The following KDM6B variants were observed in gnomAD, a reference collection of about 807,000 sequenced individuals.
KDM6B encodes the protein lysine-specific demethylase 6B.
In KDM6B, 22 loss-of-function variants were observed where a neutral mutation model predicts 150.4. The observed-to-expected ratio is 0.15, with a 90% confidence interval of 0.10 to 0.21. KDM6B has a LOEUF of 0.21. KDM6B is among the 10% of genes least tolerant of loss of function. The probability of loss-of-function intolerance (pLI) is 1.00; values close to 1 mark genes in which losing one functional copy is unlikely to be tolerated. For missense variants in KDM6B, 1,984 were observed against 2,234.3 expected, an observed-to-expected ratio of 0.89 and a Z score of 2.26; for synonymous variants, 1,148 against 921.1, an observed-to-expected ratio of 1.25 and a Z score of -4.46.
At chr17:7,837,286 A>G (rs1248023505) in intron 1 of KDM6B, among the ~76,000 whole-genome samples, 2 of 145,344 alleles carry the variant, frequency 1.4e-5, no homozygotes, top group Non-Finnish European at 3.0e-5. Context: ...TGTGTGTAGT[A>G]TGGGGGGGGG....
chr17:7,846,771 A>G (rs2151376135), intron 9 of KDM6B, 31 bp downstream of exon 9: 1 of 1,613,902 alleles, frequency 6.2e-7, no homozygotes, highest in Non-Finnish European at 8.5e-7. Flanking sequence ...GCAGGCAGTA[A>G]GTAGGCAGGA....
chr17:7,847,157 C>T lies in KDM6B; in HGVS notation c.962C>T (p.Thr321Ile), dbSNP rs2078566914. ...TATCCATACCCAGCTCCAGCGTACACCGCGCACCCCCCTGGCCACCGGCTG... is the reference window on the plus strand; with the variant it reads ...TATCCATACCCAGCTCCAGCGTACATCGCGCACCCCCCTGGCCACCGGCTG... Reference protein sequence around the residue: ...HPYPYPAPAYTAHPPGHRLVP... With the variant: ...HPYPYPAPAYIAHPPGHRLVP... The change falls in exon 11 of 24, where the codon ACC becomes ATC. Residue 321 changes from threonine (T) to isoleucine (I), a missense_variant. Around this residue, in one of 13 missense-constraint regions of KDM6B, gnomAD observed 1,379 missense variants for 1,275.6 expected, o/e 1.08. Transcript: ENST00000448097. 6.2e-7 allele frequency: 1 copy of T among 1,607,334 alleles called. No homozygotes were observed. The highest frequency in any genetic ancestry group is 1.3e-5 in the African/African-American group (1 of 74,906).
At position 7,848,441 on chromosome 17, in the gene KDM6B, G is replaced by A; in HGVS notation, c.2153G>A (p.Gly718Asp). 1 of 1,612,866 alleles carries A rather than the reference G, an allele frequency of 6.2e-7. No individual in the cohort carries two copies. The highest frequency in any genetic ancestry group is 8.5e-7 in the Non-Finnish European group (1 of 1,179,978). The change falls in exon 12 of 24, where the codon GGC (glycine) becomes GAC (aspartate). Residue 718 changes from glycine to aspartate, a missense_variant. Transcript: ENST00000448097. ...KEEEQQQHEA[G>D]VAPQPPLKEP... ...GAGGAACAGCAACAACACGAAGCAG[G>A]CGTGGCCCCCCAACCCCCGCTGAAG...
Position 7,853,532 on chromosome 17 carries a change from C to G in KDM6B, c.*11C>G. ...AGCACGTCGCGATGAGGCCGGACGC[C>G]CCGCCCGCCTGCCTGCCCGCGCAAG... is the stretch of plus-strand genomic sequence containing the variant. On this transcript the variant is annotated 3_prime_UTR_variant, in exon 24 of 24. Transcript: ENST00000448097. 1 of 1,443,982 alleles carries G rather than the reference C, an allele frequency of 6.9e-7. No individual in the cohort carries two copies. The highest frequency in any genetic ancestry group is 9.1e-7 in the Non-Finnish European group (1 of 1,104,554). The allele number at this position is 1,443,982 out of a possible 1,614,324, so 89.4% of individuals were successfully genotyped here.
chr17:7,848,996 C>T lies in KDM6B; in HGVS notation c.2708C>T (p.Ser903Phe), dbSNP rs750816603. The change falls in exon 12 of 24, where the codon TCT (serine) becomes TTT (phenylalanine). Residue 903 changes from serine to phenylalanine, a missense_variant. Physicochemically the swap from Ser to Phe is radical, Grantham distance 155 (BLOSUM62 -2). Around this residue, in one of 13 missense-constraint regions of KDM6B, gnomAD observed 1,379 missense variants for 1,275.6 expected, o/e 1.08. Coordinates refer to ENST00000448097, the MANE Select transcript of KDM6B (RefSeq NM_001348716.2). ...CCCACCCAACCGCCCCCACCCCTAT[C>T]TCTGCCCCCTGCTCGCTCTGAGTCT... is the stretch of plus-strand genomic sequence containing the variant. ...MTPTQPPPPLSLPPARSESEV... is the reference protein window; with the variant it reads ...MTPTQPPPPLFLPPARSESEV... 1.8e-5 allele frequency: 16 copies of T among 896,236 alleles called. No homozygotes were observed. Among genetic ancestry groups the T allele is most frequent in the Admixed American group, 5.8e-5 (3 of 51,724 alleles). 55.5% of individuals were successfully genotyped at this position (896,236 alleles called of 1,614,324 possible).
chr17:7,845,297 C>T lies in KDM6B; in HGVS notation c.-148-17C>T. On this transcript the variant is annotated splice_polypyrimidine_tract_variant and intron_variant, in intron 3 of 23. Transcript: ENST00000448097. ...GTGTGCTGGCCAGCTCGTCTCACTC[C>T]TTTTCCTTCTCTCTAGAATTGGCTG... The T allele has an allele frequency of 1.7e-6, 1 of 598,180 alleles. No individual in the cohort carries two copies. The highest frequency in any genetic ancestry group is 2.8e-5 in the East Asian group (1 of 35,404). 37.1% of individuals were successfully genotyped at this position (598,180 alleles called of 1,614,324 possible).
rs1567797623 is a variant in KDM6B, at chr17:7,849,020, C to T, written c.2732C>T (p.Ser911Phe). 6.8e-7 allele frequency: 1 copy of T among 1,480,062 alleles called. No homozygotes were observed. Among genetic ancestry groups the T allele is most frequent in the Non-Finnish European group, 9.1e-7 (1 of 1,097,840 alleles). 91.7% of individuals were successfully genotyped at this position (1,480,062 alleles called of 1,614,324 possible). Residue 911 changes from serine (S) to phenylalanine (F), a missense_variant, in exon 12 of 24, where the codon TCT (serine) becomes TTT (phenylalanine). Transcript: ENST00000448097. ...TCTCTGCCCCCTGCTCGCTCTGAGT[C>T]TGAGGTGCTAGAAGAGATCAGCCGG... ...PLSLPPARSE[S>F]EVLEEISRAC...
intron 5 of KDM6B, 37 bp from the exon 6 acceptor site, chr17:7,845,835 C>T (rs777203109): frequency 4.4e-5 from 70 of 1,601,506 alleles, no homozygotes; most frequent in Non-Finnish European, 5.6e-5. Flanking sequence ...AAGACTGCTC[C>T]TTTTTGCCGT....
intron 2 of KDM6B, among the ~76,000 whole-genome samples, chr17:7,841,920 G>A (rs1182179045): frequency 1.3e-5 from 2 of 152,224 alleles, no homozygotes; most frequent in Non-Finnish European, 2.9e-5. Flanking sequence ...GGTAAGAAGC[G>A]AGCGTGTAAC....
chr17:7,848,950 C>T lies in KDM6B; in HGVS notation c.2662C>T (p.Pro888Ser), dbSNP rs1597847739. The T allele has an allele frequency of 6.3e-7, 1 of 1,589,778 alleles. No homozygotes were observed. ...CCGGGAGCGCAGGGCGGGCGAAGAG[C>T]CAGTCCCGGGCCCCATGACCCCCAC... is the stretch of plus-strand genomic sequence containing the variant. ...WARERRAGEE[P>S]VPGPMTPTQP... is the part of the protein sequence containing the mutation. Residue 888 changes from proline to serine, a missense_variant, in exon 12 of 24, where the codon CCA (proline) becomes TCA (serine). Pro to Ser is a moderately conservative substitution (Grantham distance 74). Coordinates refer to ENST00000448097, the MANE Select transcript of KDM6B (RefSeq NM_001348716.2).
rs1597832297 is a variant in KDM6B, at chr17:7,845,351, T to G, written c.-111T>G. The G allele has an allele frequency of 1.5e-6, 1 of 665,684 alleles. No individual in the cohort carries two copies. The highest frequency in any genetic ancestry group is 2.7e-6 in the Non-Finnish European group (1 of 368,054). 41.2% of individuals were successfully genotyped at this position (665,684 alleles called of 1,614,324 possible). ...AAGGACTGAGGCAGCCATCTGGGGG[T>G]AGCGGGCACTCTTATCAGAGCGGCT... is the stretch of plus-strand genomic sequence containing the variant. On this transcript the variant is annotated 5_prime_UTR_variant, in exon 4 of 24. Coordinates refer to ENST00000448097, the MANE Select transcript of KDM6B (RefSeq NM_001348716.2).
rs1438542046 is a variant in KDM6B, at chr17:7,843,311, C to T, written c.-268-1590C>T. Among the ~76,000 whole-genome samples, 3 of 152,104 alleles carry T rather than the reference C, an allele frequency of 2.0e-5. No individual in the cohort carries two copies. The highest frequency in any genetic ancestry group is 2.0e-4 in the Admixed American group (3 of 15,290). On this transcript the variant is annotated intron_variant, in intron 2 of 23. Coordinates refer to ENST00000448097, the MANE Select transcript of KDM6B (RefSeq NM_001348716.2). This position sits in a 1 kb window ranked among gnomAD's most constrained non-coding sequence, Gnocchi z 4.5. ...GGCAGTCACGGAGGGCCATACTTGACCACAGTTCAGCGCCGTACCTGGCTT... is the reference window on the plus strand; with the variant it reads ...GGCAGTCACGGAGGGCCATACTTGATCACAGTTCAGCGCCGTACCTGGCTT...
Position 7,848,126 on chromosome 17 carries a change from C to T in KDM6B, c.1838C>T (p.Ser613Phe), listed in dbSNP as rs1490278121. Residue 613 changes from serine to phenylalanine, a missense_variant, in exon 12 of 24, where the codon TCC (serine) becomes TTC (phenylalanine). Ser to Phe is a radical substitution (Grantham distance 155). Around this residue, in one of 13 missense-constraint regions of KDM6B, gnomAD observed 1,379 missense variants for 1,275.6 expected, o/e 1.08. Transcript: ENST00000448097. ...TLALPPAPPS[S>F]CHQNTSGSFR... ...GCCCTGCCTCCAGCCCCTCCTTCCT[C>T]CTGCCACCAAAATACCTCAGGAAGC... is the stretch of plus-strand genomic sequence containing the variant. The T allele has an allele frequency of 3.1e-6, 5 of 1,612,980 alleles. No homozygotes were observed. Among genetic ancestry groups the T allele is most frequent in the Non-Finnish European group, 4.2e-6 (5 of 1,179,920 alleles).
chr17:7,850,926 C>A, intron 14 of KDM6B, 95 bp from the exon 15 acceptor site: 1 of 1,139,882 alleles, frequency 8.8e-7, no homozygotes, highest in Non-Finnish European at 1.3e-6. Flanking sequence ...ACCACCCTGT[C>A]AGAGCCAGAG....
chr17:7,835,341 G>T (rs1027297233), intron 1 of KDM6B, among the ~76,000 whole-genome samples: 3 of 152,132 alleles, frequency 2.0e-5, no homozygotes, highest in African/African-American at 7.2e-5. Context: ...CGGAGGGCCT[G>T]AAGACTGTGG....
chr17:7,847,831 G>GGCCCCCC lies in KDM6B; in HGVS notation c.1543_1544insGCCCCCC (p.Ala515GlyfsTer42). ...TGGGACTGAGGGACCCCCCCGCCCTGCCCCACCACCCCTCCCCCATCGCGA... is the reference window on the plus strand; with the variant it reads ...TGGGACTGAGGGACCCCCCCGCCCTGGCCCCCCCCCCACCACCCCTCCCCCATCGCGA... On this transcript the variant is annotated frameshift_variant, in exon 12 of 24. Transcript: ENST00000448097. LOFTEE classifies it high-confidence loss of function. The GGCCCCCC allele has an allele frequency of 1.1e-6, 1 of 880,400 alleles. No homozygotes were observed. Among genetic ancestry groups the GGCCCCCC allele is most frequent in the Non-Finnish European group, 1.5e-6 (1 of 676,908 alleles). The allele number at this position is 880,400 out of a possible 1,614,324, so 54.5% of individuals were successfully genotyped here.
Position 7,849,573 on chromosome 17 carries a change from TAGTG to T in KDM6B, c.3288_3291del (p.Ser1096ArgfsTer7), listed in dbSNP as rs1274337429. 1 of 1,612,670 alleles carries T rather than the reference TAGTG, an allele frequency of 6.2e-7. No individual in the cohort carries two copies. Among genetic ancestry groups the T allele is most frequent in the Non-Finnish European group, 8.5e-7 (1 of 1,179,970 alleles). ...CCGACATGCTGAAGCTGCGCTCACT[TAGTG>T]AGGGGCCCCCCAAGGAGCTGAAGAT... On this transcript the variant is annotated frameshift_variant, in exon 12 of 24. Coordinates refer to ENST00000448097, the MANE Select transcript of KDM6B (RefSeq NM_001348716.2). LOFTEE classifies it high-confidence loss of function.
rs765326836 is a variant in KDM6B at position 7,851,373 on chromosome 17, G to A, written c.3923G>A (p.Ser1308Asn). 5.0e-6 allele frequency: 8 copies of A among 1,614,184 alleles called. No homozygotes were observed. Among genetic ancestry groups the A allele is most frequent in the Admixed American group, 1.7e-5 (1 of 60,026 alleles). ...SEDEESEEPD[S>N]TTGTPPSSAP... is the part of the protein sequence containing the mutation. The stretch of plus-strand genomic sequence containing the variant: ...GATGAGGAGTCAGAGGAGCCAGACA[G>A]CACCACTGGAACCCCTCCTAGGTAC... Residue 1308 changes from serine (S) to asparagine (N), a missense_variant, in exon 16 of 24, where the codon AGC becomes AAC. By Grantham distance (46) the Ser-to-Asn change is conservative. This residue lies in a region of KDM6B where 41 missense variants were observed against 38.4 expected (regional missense o/e 1.07). Coordinates refer to ENST00000448097, the MANE Select transcript of KDM6B (RefSeq NM_001348716.2).
rs187977762 is a variant in KDM6B, at chr17:7,852,076, T to C, written c.4280+11T>C. The C allele has an allele frequency of 6.2e-7, 1 of 1,613,806 alleles. No individual in the cohort carries two copies. The highest frequency in any genetic ancestry group is 8.5e-7 in the Non-Finnish European group (1 of 1,179,886). On this transcript the variant is annotated intron_variant, in intron 19 of 23. Coordinates refer to ENST00000448097, the MANE Select transcript of KDM6B (RefSeq NM_001348716.2). ...CGCTTTCTGTGATCGGTGCGTGCCG[T>C]CCTGCGCAAGTCAGACTGCCGCGTC...
Sources: gnomAD v4.1 joint callset for allele counts (sites outside exome capture counted in the v4.1 genomes callset) on GRCh38, gnomAD v4.1.1 for gene constraint, gnomAD v4.1.1 regional missense constraint, Gnocchi (gnomAD v3.1) non-coding constraint, MANE v1.5 for transcripts, NCBI Gene and HGNC (gene_info 2026-07-23, HGNC 2026-07-21) for gene names.